The following ZYX variants were observed in gnomAD, a reference collection of about 807,000 sequenced individuals.
The protein encoded by ZYX is zyxin-2.
Under a neutral mutation model 58.1 loss-of-function variants are expected in ZYX, and 37 were observed. That is an observed-to-expected ratio of 0.64 (90% CI 0.49 to 0.84). The LOEUF (loss-of-function observed/expected upper bound fraction) is 0.84, where lower values mean the gene tolerates loss of function less well. ZYX is among the 40% of genes least tolerant of loss of function. ZYX has a pLI of 0.00. For missense variants in ZYX, 762 were observed against 761.6 expected (o/e 1.00, Z -0.01); for synonymous variants, 324 against 321.1 (o/e 1.01, Z -0.10).
chr7:143,383,369 G>T, intron 5 of ZYX, 47 bp downstream of exon 5: 1 of 1,539,406 alleles, frequency 6.5e-7, no homozygotes. Flanking sequence ...GCACTGGGGC[G>T]GGGCTGGGTC....
chr7:143,382,157 T>C (rs1804632174), intron 2 of ZYX, 91 bp from the exon 3 acceptor site: 7 of 1,104,832 alleles, frequency 6.3e-6, no homozygotes, highest in Non-Finnish European at 9.1e-6. Flanking sequence ...CTGAGAGAGT[T>C]CTTGGGTTAG....
At chr7:143,382,135 G>T (rs1162036434) in intron 2 of ZYX, 113 bp from the exon 3 acceptor site, 13 of 916,998 alleles carry the variant, frequency 1.4e-5, no homozygotes, top group East Asian at 5.4e-5. Context: ...TTCCCCACAC[G>T]CTCTGGGACC....
rs1357510752 is a variant in ZYX, at chr7:143,390,929, G to C, written c.*247G>C. ...ACCGTCTTCCAGACACCCCACCTGA[G>C]GGGGGCACCAGGTTTAGTGCTGCTG... On this transcript the variant is annotated 3_prime_UTR_variant, in exon 10 of 10. Transcript: ENST00000322764. The surrounding 1 kb of genome is among the most constrained non-coding windows in gnomAD (Gnocchi z 4.3). 1 of 514,542 alleles carries C rather than the reference G, an allele frequency of 1.9e-6. No homozygotes were observed. Among genetic ancestry groups the C allele is most frequent in the African/African-American group, 1.9e-5 (1 of 51,608 alleles). The allele number at this position is 514,542 out of a possible 1,614,324, so 31.9% of individuals were successfully genotyped here. A position where few individuals can be genotyped will look rare whatever the true frequency, so the allele number is the denominator to read the frequency against.
In ZYX at chr7:143,387,549, C is replaced by T. The variant is rs1804909732; in HGVS notation, c.1024-670C>T. Among the ~76,000 whole-genome samples, 1 of 152,168 alleles carries T rather than the reference C, an allele frequency of 6.6e-6. No individual in the cohort carries two copies. On this transcript the variant is annotated intron_variant, in intron 5 of 9. Coordinates refer to ENST00000322764, the MANE Select transcript of ZYX (RefSeq NM_003461.5). This position sits in a 1 kb window ranked among gnomAD's most constrained non-coding sequence, Gnocchi z 5.8. ...CTTAACATCCACCCCCCACTCCAGT[C>T]CCCGGGATCCCCTAAATGGGAAGGT...
Position 143,387,248 on chromosome 7 carries a change from G to T in ZYX, c.1024-971G>T, listed in dbSNP as rs1032879412. ...AACTCTGGGTACAGATGGGGGTCGG[G>T]GTGAGGGGCAGTGAAGCCAGGGCTG... On this transcript the variant is annotated intron_variant, in intron 5 of 9. Transcript: ENST00000322764. The surrounding 1 kb of genome is among the most constrained non-coding windows in gnomAD (Gnocchi z 5.8). Among the ~76,000 whole-genome samples, 2 of 152,142 alleles carry T rather than the reference G, an allele frequency of 1.3e-5. No homozygotes were observed. The highest frequency in any genetic ancestry group is 2.9e-5 in the Non-Finnish European group (2 of 68,026).
rs776780340 is a variant in ZYX, at chr7:143,382,812, A to T, written c.513A>T (p.Gly171=). 5.6e-6 allele frequency: 9 copies of T among 1,606,008 alleles called. No homozygotes were observed. The Admixed American group carries it at 6.7e-5, about 12-fold the overall frequency. The stretch of plus-strand genomic sequence containing the variant: ...CCCACCCCTTGCAGGTGTCATCTGG[A>T]TATGTGCCCCCACCAGTGGCCACTC... ...NDPFKARVSS[G]YVPPPVATPF... Residue 171 remains glycine (G), a synonymous_variant, in exon 5 of 10, where the codon GGA becomes GGT. Transcript: ENST00000322764.
Position 143,388,556 on chromosome 7 carries a change from G to A in ZYX, c.1212G>A (p.Leu404=), listed in dbSNP as rs373656218. ...CAGCCGTCCGCGCTCTAGGGCAGCT[G>A]TTCCACATCGCCTGCTTCACCTGCC... ...AQPAVRALGQ[L]FHIACFTCHQ... Residue 404 remains leucine, a synonymous_variant, in exon 7 of 10, where the codon CTG becomes CTA. Coordinates refer to ENST00000322764, the MANE Select transcript of ZYX (RefSeq NM_003461.5). The surrounding 1 kb of genome is among the most constrained non-coding windows in gnomAD (Gnocchi z 7.5). 3.7e-5 allele frequency: 59 copies of A among 1,611,722 alleles called. No homozygotes were observed. The highest frequency in any genetic ancestry group is 4.7e-5 in the Non-Finnish European group (55 of 1,179,970).
chr7:143,384,330 C>G lies in ZYX; in HGVS notation c.1023+1008C>G, dbSNP rs1804781474. 2.2e-6 allele frequency: 1 copy of G among 463,834 alleles called. No individual in the cohort carries two copies. The highest frequency in any genetic ancestry group is 4.5e-6 in the Non-Finnish European group (1 of 222,984). The allele number at this position is 463,834 out of a possible 1,614,324, so 28.7% of individuals were successfully genotyped here. ...CGAAGGATGGGCAGGACGTAAGAAT[C>G]CAGAGAGGAGAGGGATGTTTGGAGA... On this transcript the variant is annotated intron_variant, in intron 5 of 9. Transcript: ENST00000322764. The surrounding 1 kb of genome is among the most constrained non-coding windows in gnomAD (Gnocchi z 4.9).
rs770760110 is a variant in ZYX at position 143,388,979 on chromosome 7, G to T, written c.1493+34G>T. ...CTGCCACCTGCCTTCTGGGTTCCCG[G>T]CGTGCTTGGTCTGGTAGCCCGGCTG... On this transcript the variant is annotated intron_variant, in intron 8 of 9. Transcript: ENST00000322764. The surrounding 1 kb of genome is among the most constrained non-coding windows in gnomAD (Gnocchi z 7.5). The T allele has an allele frequency of 5.0e-6, 8 of 1,586,092 alleles. No homozygotes were observed. In the South Asian group the frequency reaches 9.1e-5, roughly 18 times the overall value.
chr7:143,381,857 C>G (rs919149740), intron 2 of ZYX, 78 bp downstream of exon 2: 2 of 1,368,182 alleles, frequency 1.5e-6, no homozygotes, highest in African/African-American at 2.9e-5. Context: ...TTGGGGATGT[C>G]TGGAAAGGTT....
rs1051556843 is a variant in ZYX at position 143,381,664 on chromosome 7, C to T, written c.93C>T (p.Ala31=). 1.9e-6 allele frequency: 3 copies of T among 1,611,574 alleles called. No individual in the cohort carries two copies. Among genetic ancestry groups the T allele is most frequent in the Non-Finnish European group, 2.5e-6 (3 of 1,179,368 alleles). The part of the protein sequence containing the change: ...APQKKFGPVV[A]PKPKVNPFRP... The stretch of plus-strand genomic sequence containing the variant: ...AGAAGAAGTTCGGCCCTGTGGTGGC[C>T]CCAAAGCCCAAAGTGAATCCCTTCC... The change falls in exon 2 of 10, where the codon GCC becomes GCT. Residue 31 remains alanine, a synonymous_variant. Transcript: ENST00000322764.
chr7:143,388,980 C>A lies in ZYX; in HGVS notation c.1493+35C>A. 3 of 1,583,224 alleles carry A rather than the reference C, an allele frequency of 1.9e-6. No homozygotes were observed. The highest frequency in any genetic ancestry group is 1.7e-6 in the Non-Finnish European group (2 of 1,164,506). ...TGCCACCTGCCTTCTGGGTTCCCGG[C>A]GTGCTTGGTCTGGTAGCCCGGCTGC... On this transcript the variant is annotated intron_variant, in intron 8 of 9. Coordinates refer to ENST00000322764, the MANE Select transcript of ZYX (RefSeq NM_003461.5). The surrounding 1 kb of genome is among the most constrained non-coding windows in gnomAD (Gnocchi z 7.5).
At position 143,386,108 on chromosome 7, in the gene ZYX, G is replaced by T. The variant is rs370000327; in HGVS notation, c.1024-2111G>T. Among the ~76,000 whole-genome samples, 5 of 151,990 alleles carry T rather than the reference G, an allele frequency of 3.3e-5. No individual in the cohort carries two copies. In the South Asian group the frequency reaches 6.2e-4, roughly 19 times the overall value. On this transcript the variant is annotated intron_variant, in intron 5 of 9. Coordinates refer to ENST00000322764, the MANE Select transcript of ZYX (RefSeq NM_003461.5). Reference sequence around the variant, plus strand: ...GAGTGGTATGTGGGTATGTGTGAGGGTGTGTGTGTTTGAGTCTGTGGTGTA... The same window carrying T: ...GAGTGGTATGTGGGTATGTGTGAGGTTGTGTGTGTTTGAGTCTGTGGTGTA...
In ZYX at chr7:143,387,802, G is replaced by A. The variant is rs1024533103; in HGVS notation, c.1024-417G>A. 10 of 474,416 alleles carry A rather than the reference G, an allele frequency of 2.1e-5. No homozygotes were observed. Among genetic ancestry groups the A allele is most frequent in the East Asian group, 1.4e-4 (2 of 14,568 alleles). The allele number at this position is 474,416 out of a possible 1,614,324, so 29.4% of individuals were successfully genotyped here. On this transcript the variant is annotated intron_variant, in intron 5 of 9. Coordinates refer to ENST00000322764, the MANE Select transcript of ZYX (RefSeq NM_003461.5). The surrounding 1 kb of genome is among the most constrained non-coding windows in gnomAD (Gnocchi z 5.8). ...AGGCAGGCCGGGTAGGTGTGTGTGCGCGTGTGTGCACGCCATTGCGTGCCC... is the reference window on the plus strand; with the variant it reads ...AGGCAGGCCGGGTAGGTGTGTGTGCACGTGTGTGCACGCCATTGCGTGCCC...
chr7:143,382,067 A>T, intron 2 of ZYX, 181 bp from the exon 3 acceptor site: 2 of 618,656 alleles, frequency 3.2e-6, no homozygotes, highest in Non-Finnish European at 5.5e-6. Context: ...ACTCCTCGGC[A>T]GTGCGCCCGG....
Position 143,388,059 on chromosome 7 carries a change from G to T in ZYX, c.1024-160G>T. 2 of 785,624 alleles carry T rather than the reference G, an allele frequency of 2.5e-6. No individual in the cohort carries two copies. The highest frequency in any genetic ancestry group is 4.0e-6 in the Non-Finnish European group (2 of 495,744). The allele number at this position is 785,624 out of a possible 1,614,324, so 48.7% of individuals were successfully genotyped here. On this transcript the variant is annotated intron_variant, in intron 5 of 9. Coordinates refer to ENST00000322764, the MANE Select transcript of ZYX (RefSeq NM_003461.5). This position sits in a 1 kb window ranked among gnomAD's most constrained non-coding sequence, Gnocchi z 7.5. ...TTATTTGTGTGGTGCTGGGGATGGC[G>T]GGGGTAGGGGGACGAGGGAGAAGCT...
intron 5 of ZYX, among the ~76,000 whole-genome samples, chr7:143,385,754 C>A (rs1804841640): frequency 7.0e-6 from 1 of 142,952 alleles, no homozygotes. Flanking sequence ...AACGATTCTC[C>A]TGTCTCAGCC....
intron 2 of ZYX, 194 bp from the exon 3 acceptor site, chr7:143,382,054 A>T: frequency 1.6e-6 from 1 of 611,354 alleles, no homozygotes. Flanking sequence ...CGGGAGCTGC[A>T]CCACTCCTCG....
rs1804913316 is a variant in ZYX at position 143,387,684 on chromosome 7, G to A, written c.1024-535G>A. 2.1e-6 allele frequency: 1 copy of A among 471,038 alleles called. No individual in the cohort carries two copies. Among genetic ancestry groups the A allele is most frequent in the African/African-American group, 2.0e-5 (1 of 50,076 alleles). 29.2% of individuals were successfully genotyped at this position (471,038 alleles called of 1,614,324 possible). On this transcript the variant is annotated intron_variant, in intron 5 of 9. Transcript: ENST00000322764. The surrounding 1 kb of genome is among the most constrained non-coding windows in gnomAD (Gnocchi z 5.8). ...TCGAGGGACAGGGTCTCTGTGTGGG[G>A]GTGGGGCTGGGTTCTTGCAGACAGC...
Sources: gnomAD v4.1 joint callset for allele counts (sites outside exome capture counted in the v4.1 genomes callset) on GRCh38, gnomAD v4.1.1 for gene constraint, Gnocchi (gnomAD v3.1) non-coding constraint, MANE v1.5 for transcripts, NCBI Gene and HGNC (gene_info 2026-07-23, HGNC 2026-07-21) for gene names.